The following LUZP2 variants were observed in gnomAD, a reference collection of about 807,000 sequenced individuals.
LUZP2 encodes the protein leucine zipper protein 2.
A neutral mutation model predicts 51.6 loss-of-function variants in LUZP2; 52 were observed. That is an observed-to-expected ratio of 1.01 (90% confidence interval 0.81 to 1.27). The LOEUF (loss-of-function observed/expected upper bound fraction) is 1.27. Ranked by LOEUF, LUZP2 falls within the 50% of genes most tolerant of loss-of-function variation. LUZP2 has a pLI of 0.00. For synonymous variants in LUZP2, 154 were observed against 137.3 expected (o/e 1.12, Z -0.85); for missense variants, 436 against 395.4 (o/e 1.10, Z -0.87).
intron 4 of LUZP2, among the ~76,000 whole-genome samples, chr11:24,750,639 T>C (rs1859544014): frequency 6.6e-6 from 1 of 152,168 alleles, no homozygotes; most frequent in South Asian, 2.1e-4. Context: ...GGTATTTAAA[T>C]AAACTGTATA....
At chr11:25,059,595 G>T (rs530887000) in intron 10 of LUZP2, among the ~76,000 whole-genome samples, 99 of 152,218 alleles carry the variant, frequency 6.5e-4, no homozygotes, top group African/African-American at 2.3e-3. Context: ...AGATTAGATG[G>T]GCTGATTGAT....
intron 5 of LUZP2, among the ~76,000 whole-genome samples, chr11:24,800,497 A>T (rs144896701): frequency 0.012 from 1,774 of 151,508 alleles, 18 homozygotes; most frequent in Admixed American, 0.019. Context: ...AGTGAATGCC[A>T]GGTCAACCTC....
At chr11:25,057,683 GCA>G (rs1392897042) in intron 10 of LUZP2, among the ~76,000 whole-genome samples, 1 of 152,026 alleles carries the variant, frequency 6.6e-6, no homozygotes, top group Non-Finnish European at 1.5e-5. Flanking sequence ...CCTATAAGTA[GCA>G]AACATTTAAT....
intron 1 of LUZP2, among the ~76,000 whole-genome samples, chr11:24,582,661 A>T (rs1852909953): frequency 6.6e-6 from 1 of 152,138 alleles, no homozygotes; most frequent in Non-Finnish European, 1.5e-5. Context: ...GTATACAGTT[A>T]GAATTATGTT....
intron 5 of LUZP2, among the ~76,000 whole-genome samples, chr11:24,893,688 A>G (rs1267542739): frequency 3.3e-5 from 5 of 152,002 alleles, no homozygotes; most frequent in African/African-American, 9.7e-5. Context: ...TAATATTACA[A>G]TACTTCTTTA....
intron 1 of LUZP2, among the ~76,000 whole-genome samples, chr11:24,638,017 A>T (rs1855162273): frequency 6.6e-6 from 1 of 151,676 alleles, no homozygotes; most frequent in Non-Finnish European, 1.5e-5. Context: ...CCAGCTATAA[A>T]ATTTCTCTCT....
chr11:25,028,392 C>G (rs1565250601), intron 9 of LUZP2, among the ~76,000 whole-genome samples: 1 of 152,102 alleles, frequency 6.6e-6, no homozygotes, highest in Non-Finnish European at 1.5e-5. Flanking sequence ...AACCATCATT[C>G]TGAGTGTCCA....
chr11:24,504,639 T>G (rs1250961030), intron 1 of LUZP2, among the ~76,000 whole-genome samples: 2 of 152,172 alleles, frequency 1.3e-5, no homozygotes, highest in Non-Finnish European at 1.5e-5. Context: ...ATTATTACTA[T>G]ACATAGATAT....
chr11:24,744,563 T>C (rs1462167988), intron 4 of LUZP2, among the ~76,000 whole-genome samples: 1 of 152,144 alleles, frequency 6.6e-6, no homozygotes, highest in African/African-American at 2.4e-5. Context: ...ATATCTCCTG[T>C]TTCATTTCTT....
intron 1 of LUZP2, among the ~76,000 whole-genome samples, chr11:24,631,706 C>T (rs527441896): frequency 4.0e-5 from 6 of 151,754 alleles, no homozygotes; most frequent in East Asian, 1.9e-4. Context: ...ATACTAGCCT[C>T]GTGGAATAAG....
rs368189765 is a variant in LUZP2, at chr11:25,063,176, C to T, written c.858+13046C>T. 2.0e-4 allele frequency among the ~76,000 whole-genome samples: 31 copies of T among 151,846 alleles called. No individual in the cohort carries two copies. In the South Asian group the frequency reaches 5.8e-3, roughly 28 times the overall value. Reference sequence around the variant, plus strand: ...TAAAATATAGTGTAACAACTATTTACATCACATTCCTATTATATTAGGTGC... The same window carrying T: ...TAAAATATAGTGTAACAACTATTTATATCACATTCCTATTATATTAGGTGC... On this transcript the variant is annotated intron_variant, in intron 10 of 11. Transcript: ENST00000336930.
intron 5 of LUZP2, among the ~76,000 whole-genome samples, chr11:24,900,311 A>C (rs1853237236): frequency 6.6e-6 from 1 of 152,078 alleles, no homozygotes; most frequent in Non-Finnish European, 1.5e-5. Context: ...GGTTTTTATT[A>C]AATATCTTAG....
At chr11:24,659,588 T>A (rs1468515144) in intron 1 of LUZP2, among the ~76,000 whole-genome samples, 2 of 151,744 alleles carry the variant, frequency 1.3e-5, no homozygotes, top group African/African-American at 2.4e-5. Context: ...AAATAAGAAC[T>A]AGGATTTAAA....
At chr11:24,502,753 T>A (rs546942889) in intron 1 of LUZP2, among the ~76,000 whole-genome samples, 2 of 152,186 alleles carry the variant, frequency 1.3e-5, no homozygotes, top group Non-Finnish European at 2.9e-5. Flanking sequence ...ATATTTAACT[T>A]AATGACTTAG....
At chr11:24,694,045 T>C (rs1031011459) in intron 1 of LUZP2, among the ~76,000 whole-genome samples, 1 of 151,966 alleles carries the variant, frequency 6.6e-6, no homozygotes, top group Non-Finnish European at 1.5e-5. Context: ...TGGAAAAAAA[T>C]AAAGTGGCCA....
intron 9 of LUZP2, among the ~76,000 whole-genome samples, chr11:24,986,836 T>A (rs368555935): frequency 8.9e-4 from 135 of 151,764 alleles, no homozygotes; most frequent in African/African-American, 3.1e-3. Flanking sequence ...AGAAAACATA[T>A]CACCAAGAAT....
chr11:24,785,845 C>T, intron 5 of LUZP2: 3 of 985,004 alleles, frequency 3.0e-6, no homozygotes, highest in Non-Finnish European at 3.6e-6. Flanking sequence ...AGAGGCTATG[C>T]TGACTCTGGG....
rs1181492509 is a variant in LUZP2, at chr11:24,715,304, TGTGC to T, written c.63-13864_63-13861del. ...GTGTGTGTGTGTGTGTGTGTGTGTG[TGTGC>T]ATGCGTATTTCTAAATATATCTTGG... On this transcript the variant is annotated intron_variant, in intron 1 of 11. Coordinates refer to ENST00000336930, the MANE Select transcript of LUZP2 (RefSeq NM_001009909.4). Among the ~76,000 whole-genome samples the T allele has an allele frequency of 3.1e-4, 21 of 67,696 alleles. 1 individual carries two copies. Among genetic ancestry groups the T allele is most frequent in the Non-Finnish European group, 4.5e-4 (11 of 24,450 alleles). 44.4% of individuals were successfully genotyped at this position (67,696 alleles called of 152,430 possible).
chr11:24,726,751 A>G (rs1858491604), intron 1 of LUZP2, among the ~76,000 whole-genome samples: 1 of 152,128 alleles, frequency 6.6e-6, no homozygotes, highest in South Asian at 2.1e-4. Context: ...AAAGTGCTCT[A>G]AGACATATGA....
Sources: gnomAD v4.1 joint callset for allele counts (sites outside exome capture counted in the v4.1 genomes callset) on GRCh38, gnomAD v4.1.1 for gene constraint, MANE v1.5 for transcripts, NCBI Gene and HGNC (gene_info 2026-07-23, HGNC 2026-07-21) for gene names.